The following HIPK2 variants were observed in gnomAD, a reference collection of about 807,000 sequenced individuals.
HIPK2 encodes the protein homeodomain-interacting protein kinase 2.
Under a neutral mutation model 113.7 loss-of-function variants are expected in HIPK2, and 27 were observed. The observed-to-expected ratio is 0.24, with a 90% CI of 0.17 to 0.33. The LOEUF (loss-of-function observed/expected upper bound fraction) is 0.33, where lower values mean the gene tolerates loss of function less well. Among genes scored for constraint, HIPK2 ranks in the 10% least tolerant of loss-of-function variants. The pLI, the probability that HIPK2 is intolerant of heterozygous loss-of-function variation, is 1.00. For synonymous variants in HIPK2, 631 were observed against 642.2 expected (o/e 0.98, Z 0.26); for missense variants, 1,257 against 1,588.0 (o/e 0.79, Z 3.54).
At chr7:139,592,635 A>G (rs1406206815) in intron 12 of HIPK2, among the ~76,000 whole-genome samples, 1 of 152,242 alleles carries the variant, frequency 6.6e-6, no homozygotes, top group Non-Finnish European at 1.5e-5. Flanking sequence ...TACAGCCTTT[A>G]CAAGACCATT....
At chr7:139,590,480 G>A (rs1344694730) in intron 12 of HIPK2, among the ~76,000 whole-genome samples, 1 of 152,126 alleles carries the variant, frequency 6.6e-6, no homozygotes, top group Non-Finnish European at 1.5e-5. Context: ...GCTAATCTGA[G>A]TCAATTTCAT....
intron 1 of HIPK2, among the ~76,000 whole-genome samples, chr7:139,756,917 G>T (rs1287204926): frequency 6.6e-6 from 1 of 152,196 alleles, no homozygotes; most frequent in Non-Finnish European, 1.5e-5. Flanking sequence ...CACACAACTA[G>T]CTTACAAAAG....
intron 2 of HIPK2, among the ~76,000 whole-genome samples, chr7:139,680,419 C>A (rs754344424): frequency 2.4e-4 from 36 of 152,294 alleles, no homozygotes; most frequent in Non-Finnish European, 4.6e-4. Flanking sequence ...GTTTTGGGAT[C>A]GAACATTAAA....
intron 1 of HIPK2, among the ~76,000 whole-genome samples, chr7:139,744,165 T>C (rs1796152098): frequency 6.6e-6 from 1 of 152,238 alleles, no homozygotes; most frequent in Admixed American, 6.5e-5. Flanking sequence ...GGAAACCACC[T>C]GCATGTCCAT....
chr7:139,691,848 A>G (rs757022825), intron 2 of HIPK2, among the ~76,000 whole-genome samples: 7 of 152,216 alleles, frequency 4.6e-5, no homozygotes. Flanking sequence ...TCAAGTACAA[A>G]ATTGTATTAA....
At chr7:139,761,511 T>A (rs1796463725) in intron 1 of HIPK2, among the ~76,000 whole-genome samples, 1 of 152,198 alleles carries the variant, frequency 6.6e-6, no homozygotes, top group African/African-American at 2.4e-5. Context: ...ACTTGAATCC[T>A]GCAAGCTTTT....
At chr7:139,710,052 C>G (rs1569478620) in intron 2 of HIPK2, among the ~76,000 whole-genome samples, 1 of 152,146 alleles carries the variant, frequency 6.6e-6, no homozygotes, top group African/African-American at 2.4e-5. Flanking sequence ...CTCTGGCTCT[C>G]AAAACATCCC....
chr7:139,653,241 C>A (rs185385032), intron 2 of HIPK2, among the ~76,000 whole-genome samples: 419 of 151,812 alleles, frequency 2.8e-3, no homozygotes, highest in African/African-American at 9.6e-3. Context: ...GCAGAAACAG[C>A]GTCACTGTCA....
chr7:139,641,597 C>A (rs761465881), intron 2 of HIPK2, among the ~76,000 whole-genome samples: 1 of 152,144 alleles, frequency 6.6e-6, no homozygotes, highest in Non-Finnish European at 1.5e-5. Context: ...CCAGGGAGCA[C>A]AGCCCGGGGA....
intron 1 of HIPK2, among the ~76,000 whole-genome samples, chr7:139,758,634 T>C (rs927584397): frequency 1.3e-5 from 2 of 152,162 alleles, no homozygotes; most frequent in African/African-American, 4.8e-5. Context: ...CACAGAAGCA[T>C]GAACCCTACT....
At chr7:139,706,867 C>A (rs1392000229) in intron 2 of HIPK2, among the ~76,000 whole-genome samples, 1 of 152,256 alleles carries the variant, frequency 6.6e-6, no homozygotes, top group Non-Finnish European at 1.5e-5. Flanking sequence ...CTGTGGGTCA[C>A]ACTTTCTCTG....
intron 1 of HIPK2, among the ~76,000 whole-genome samples, chr7:139,731,791 C>T (rs1795790851): frequency 6.6e-6 from 1 of 152,172 alleles, no homozygotes; most frequent in Non-Finnish European, 1.5e-5. Flanking sequence ...ATCCTTCTTA[C>T]TTGATTTAAA....
intron 2 of HIPK2, among the ~76,000 whole-genome samples, chr7:139,702,500 C>G (rs935169966): frequency 2.1e-4 from 32 of 152,308 alleles, no homozygotes; most frequent in Admixed American, 6.5e-4. Flanking sequence ...TACCCCATTA[C>G]ATCCAGGACA....
intron 2 of HIPK2, among the ~76,000 whole-genome samples, chr7:139,685,584 CTT>C (rs1794190797): frequency 6.6e-6 from 1 of 152,212 alleles, no homozygotes; most frequent in African/African-American, 2.4e-5. Flanking sequence ...GGCTTGCTCT[CTT>C]GTTAAGGGCT....
At chr7:139,617,921 CAGA>C (rs774835193) in intron 7 of HIPK2, among the ~76,000 whole-genome samples, 8 of 152,330 alleles carry the variant, frequency 5.3e-5, no homozygotes, top group East Asian at 3.9e-4. Flanking sequence ...CAGCAATGAA[CAGA>C]AGAAGTCTTG....
intron 1 of HIPK2, among the ~76,000 whole-genome samples, chr7:139,748,450 G>A (rs959455612): frequency 7.3e-5 from 11 of 151,472 alleles, no homozygotes; most frequent in African/African-American, 2.4e-4. Context: ...TCACGGTGTC[G>A]ACAGGGCCGG....
At chr7:139,620,669 G>C in intron 6 of HIPK2, 106 bp from the exon 7 acceptor site, 1 of 1,394,944 alleles carries the variant, frequency 7.2e-7, no homozygotes, top group Non-Finnish European at 9.9e-7. Flanking sequence ...GGTTAATTCA[G>C]TAAACAGGAC....
Position 139,617,919 on chromosome 7 carries a change from A to C in HIPK2, c.1782+2482T>G, listed in dbSNP as rs76072966. 1.3e-4 allele frequency among the ~76,000 whole-genome samples: 20 copies of C among 152,358 alleles called. No homozygotes were observed. The East Asian group carries it at 3.9e-3, about 29-fold the overall frequency. On this transcript the variant is annotated intron_variant, in intron 7 of 14. Coordinates refer to ENST00000406875, the MANE Select transcript of HIPK2 (RefSeq NM_022740.5). ...AAGCTAGCTACTAGAACCAGCAATG[A>C]ACAGAAGAAGTCTTGTTGGATTTAA... is the stretch of plus-strand genomic sequence containing the variant.
chr7:139,695,134 A>G (rs1794526607), intron 2 of HIPK2, among the ~76,000 whole-genome samples: 2 of 152,218 alleles, frequency 1.3e-5, no homozygotes, highest in African/African-American at 4.8e-5. Context: ...CTTCACTCAC[A>G]AACACCATCT....
Sources: gnomAD v4.1 joint callset for allele counts (sites outside exome capture counted in the v4.1 genomes callset) on GRCh38, gnomAD v4.1.1 for gene constraint, MANE v1.5 for transcripts, NCBI Gene and HGNC (gene_info 2026-07-23, HGNC 2026-07-21) for gene names.